Variants in FNTB observed in about 807,000 individuals in gnomAD.
FNTB encodes the protein protein farnesyltransferase subunit beta.
In FNTB, 27 loss-of-function variants were observed where a neutral mutation model predicts 59.4. The observed-to-expected ratio is 0.45, with a 90% CI of 0.34 to 0.63. FNTB has a LOEUF of 0.63. FNTB is among the 20% of genes least tolerant of loss of function. The pLI, the probability that FNTB is intolerant of heterozygous loss-of-function variation, is 0.02. For missense variants in FNTB, 449 were observed against 559.6 expected (o/e 0.80, Z 1.99); for synonymous variants, 230 against 220.7 (o/e 1.04, Z -0.37).
chr14:65,044,658 G>C lies in FNTB; in HGVS notation c.955+215G>C, dbSNP rs2062434801. On this transcript the variant is annotated intron_variant, in intron 9 of 11. Coordinates refer to ENST00000246166, the MANE Select transcript of FNTB (RefSeq NM_002028.4). The surrounding 1 kb of genome is among the most constrained non-coding windows in gnomAD (Gnocchi z 5.5). ...GTGTCATTCTTTGCTTCTTCAAATTGGCTGCGACAGAATGAGCTTCCTTGA... is the reference window on the plus strand; with the variant it reads ...GTGTCATTCTTTGCTTCTTCAAATTCGCTGCGACAGAATGAGCTTCCTTGA... 1 of 721,014 alleles carries C rather than the reference G, an allele frequency of 1.4e-6. No homozygotes were observed. Among genetic ancestry groups the C allele is most frequent in the African/African-American group, 1.9e-5 (1 of 53,316 alleles). The allele number at this position is 721,014 out of a possible 1,614,324, so 44.7% of individuals were successfully genotyped here.
Sources: allele counts gnomAD v4.1 joint callset, GRCh38; gene constraint gnomAD v4.1.1; non-coding constraint Gnocchi (gnomAD v3.1); transcripts MANE v1.5; gene names NCBI Gene and HGNC (gene_info 2026-07-23, HGNC 2026-07-21).